PTPRR: variants seen among roughly 807,000 people sequenced by gnomAD.
The protein encoded by PTPRR is protein tyrosine phosphatase receptor type R, also known as receptor-type tyrosine-protein phosphatase R.
In PTPRR, 38 loss-of-function variants were observed where a neutral mutation model predicts 77.2. That is an observed-to-expected ratio of 0.49 (90% confidence interval 0.38 to 0.65). The LOEUF is 0.65. PTPRR is among the 30% of genes least tolerant of loss of function. PTPRR has a pLI of 0.00. For synonymous variants in PTPRR, 299 were observed against 283.1 expected (o/e 1.06, Z -0.57); for missense variants, 744 against 799.2 (o/e 0.93, Z 0.83).
intron 4 of PTPRR, among the ~76,000 whole-genome samples, chr12:70,754,914 C>T (rs1202594970): frequency 2.0e-5 from 3 of 151,160 alleles, no homozygotes; most frequent in Admixed American, 1.3e-4. Context: ...TAAAGTAATA[C>T]GGAACATTAA....
chr12:70,904,895 A>G (rs7965899), intron 1 of PTPRR, among the ~76,000 whole-genome samples: 95,886 of 151,502 alleles, frequency 0.63, 31,982 homozygotes, highest in African/African-American at 0.85. Context: ...AAGTTTGGGT[A>G]TAATAAGAGA....
intron 2 of PTPRR, among the ~76,000 whole-genome samples, chr12:70,805,116 C>T (rs1891686403): frequency 2.0e-5 from 3 of 151,876 alleles, no homozygotes; most frequent in South Asian, 2.1e-4. Flanking sequence ...ATATTTGATG[C>T]CATTTTCTAA....
At chr12:70,770,464 C>T (rs576882960) in intron 2 of PTPRR, among the ~76,000 whole-genome samples, 26 of 152,202 alleles carry the variant, frequency 1.7e-4, no homozygotes, top group Middle Eastern at 3.4e-3. Context: ...AATGAGATAC[C>T]ATCTCACACC....
chr12:70,880,592 A>G (rs1893132680), intron 2 of PTPRR, among the ~76,000 whole-genome samples: 1 of 152,174 alleles, frequency 6.6e-6, no homozygotes, highest in African/African-American at 2.4e-5. Flanking sequence ...ATTAGAATAT[A>G]AACTACACAG....
intron 2 of PTPRR, among the ~76,000 whole-genome samples, chr12:70,858,046 C>T (rs923756342): frequency 3.3e-5 from 5 of 152,080 alleles, no homozygotes; most frequent in Admixed American, 6.6e-5. Context: ...ACCACTCTAG[C>T]CAATGACTGA....
chr12:70,857,835 A>G (rs537059711), intron 2 of PTPRR, among the ~76,000 whole-genome samples: 3 of 152,220 alleles, frequency 2.0e-5, no homozygotes, highest in Admixed American at 6.5e-5. Context: ...ATTGTTTTTG[A>G]CAATATACTG....
At chr12:70,639,733 C>T (rs1315014631) in intron 13 of PTPRR, 1 of 153,474 alleles carries the variant, frequency 6.5e-6, no homozygotes, top group Non-Finnish European at 1.4e-5. Context: ...TTCATTGTAG[C>T]TGGTATATTT....
intron 4 of PTPRR, among the ~76,000 whole-genome samples, chr12:70,758,297 C>T (rs1255186713): frequency 6.6e-6 from 1 of 152,078 alleles, no homozygotes; most frequent in Admixed American, 6.6e-5. Flanking sequence ...CTGTGAGAGG[C>T]CATTAAGCTA....
chr12:70,695,544 C>G (rs1034120661), intron 8 of PTPRR, among the ~76,000 whole-genome samples: 1 of 152,104 alleles, frequency 6.6e-6, no homozygotes, highest in Non-Finnish European at 1.5e-5. Flanking sequence ...GTTCTGTGAA[C>G]GGAAAAACTG....
chr12:70,916,569 C>A (rs960565831), intron 1 of PTPRR, among the ~76,000 whole-genome samples: 2 of 150,902 alleles, frequency 1.3e-5, no homozygotes, highest in Non-Finnish European at 2.9e-5. Context: ...TCATAGAATA[C>A]CTTTCTTCTC....
At chr12:70,684,079 A>G in intron 10 of PTPRR, 48 bp downstream of exon 10, 3 of 1,585,026 alleles carry the variant, frequency 1.9e-6, no homozygotes, top group Middle Eastern at 3.4e-4. Flanking sequence ...TATCTCTTCT[A>G]TAGCAACAGA....
chr12:70,845,154 G>A (rs1195947114), intron 2 of PTPRR, among the ~76,000 whole-genome samples: 1 of 152,124 alleles, frequency 6.6e-6, no homozygotes, highest in East Asian at 1.9e-4. Context: ...GGCTGCAGAT[G>A]TTCACTTCCT....
chr12:70,801,628 G>A (rs1306146176), intron 2 of PTPRR, among the ~76,000 whole-genome samples: 1 of 152,112 alleles, frequency 6.6e-6, no homozygotes, highest in Non-Finnish European at 1.5e-5. Flanking sequence ...TGGTTTTCAG[G>A]CTTTTGTACT....
At chr12:70,839,197 T>A (rs1892353564) in intron 2 of PTPRR, among the ~76,000 whole-genome samples, 1 of 152,176 alleles carries the variant, frequency 6.6e-6, no homozygotes, top group Admixed American at 6.6e-5. Context: ...GATAAACTCA[T>A]AGATCAGAAC....
At chr12:70,685,473 C>CAAAAAAAAAAAAAAAAAAAAAAA (rs61205959) in intron 8 of PTPRR, among the ~76,000 whole-genome samples, 2 of 60,976 alleles carry the variant, frequency 3.3e-5, no homozygotes, top group Non-Finnish European at 2.9e-5. Context: ...GACTTCATCT[C>CAAAAAAAAAAAAAAAAAAAAAAA]AAAAAAAAAA....
At chr12:70,682,826 C>T (rs1053714731) in intron 10 of PTPRR, among the ~76,000 whole-genome samples, 1 of 152,130 alleles carries the variant, frequency 6.6e-6, no homozygotes, top group African/African-American at 2.4e-5. Flanking sequence ...ATAATGCCAC[C>T]TCAGGCTTTA....
chr12:70,871,415 C>T (rs1892956948), intron 2 of PTPRR, among the ~76,000 whole-genome samples: 1 of 152,174 alleles, frequency 6.6e-6, no homozygotes, highest in African/African-American at 2.4e-5. Context: ...TCGCACCTGG[C>T]CTGACTTTGC....
rs142242897 is a variant in PTPRR, at chr12:70,885,827, G to C, written c.357+6852C>G. The stretch of plus-strand genomic sequence containing the variant: ...AATTACACGCTGAGCCACCACGCCT[G>C]GCTGGTTATGGATGGTTTTTATTTC... On this transcript the variant is annotated intron_variant, in intron 2 of 13. Coordinates refer to ENST00000283228, the MANE Select transcript of PTPRR (RefSeq NM_002849.4). 3.4e-3 allele frequency among the ~76,000 whole-genome samples: 519 copies of C among 152,210 alleles called. 3 individuals carry two copies. Among genetic ancestry groups the C allele is most frequent in the Middle Eastern group, 0.02 (6 of 294 alleles).
In PTPRR at chr12:70,727,790, C is replaced by T. The variant is rs573174132; in HGVS notation, c.1007+18028G>A. 1.0e-3 allele frequency among the ~76,000 whole-genome samples: 159 copies of T among 152,290 alleles called. 1 individual carries two copies. Among genetic ancestry groups the T allele is most frequent in the Non-Finnish European group, 2.0e-3 (135 of 68,022 alleles). On this transcript the variant is annotated intron_variant, in intron 6 of 13. Coordinates refer to ENST00000283228, the MANE Select transcript of PTPRR (RefSeq NM_002849.4). ...CGTGAGAAAGACACATGTACTTGAA[C>T]ATCACATGATCTACTTCACCCTCAG...
Sources: gnomAD v4.1 joint callset for allele counts (sites outside exome capture counted in the v4.1 genomes callset) on GRCh38, gnomAD v4.1.1 for gene constraint, MANE v1.5 for transcripts, NCBI Gene and HGNC (gene_info 2026-07-23, HGNC 2026-07-21) for gene names.